Variants in EXOC6B observed in about 807,000 individuals in gnomAD.
EXOC6B encodes exocyst complex component 6B, also known as SEC15 homolog B.
EXOC6B carries 54 observed loss-of-function variants against 113.5 expected under a neutral mutation model. That is an observed-to-expected ratio of 0.48 (90% CI 0.38 to 0.60). EXOC6B has a LOEUF of 0.60. EXOC6B is among the 20% of genes least tolerant of loss of function. EXOC6B has a pLI of 0.00. For synonymous variants in EXOC6B, 357 were observed against 339.0 expected, an observed-to-expected ratio of 1.05 and a Z score of -0.58; for missense variants, 797 against 977.5, an observed-to-expected ratio of 0.82 and a Z score of 2.46.
intron 20 of EXOC6B, among the ~76,000 whole-genome samples, chr2:72,271,781 AC>A (rs1207322706): frequency 6.6e-6 from 1 of 152,042 alleles, no homozygotes; most frequent in East Asian, 1.9e-4. Context: ...GTTCACAATG[AC>A]CTATATTTTG....
At chr2:72,421,750 G>A (rs574777084) in intron 18 of EXOC6B, among the ~76,000 whole-genome samples, 20 of 152,344 alleles carry the variant, frequency 1.3e-4, no homozygotes, top group South Asian at 8.3e-4. Flanking sequence ...CCTTCGGCCC[G>A]CCGCTGCACT....
intron 6 of EXOC6B, among the ~76,000 whole-genome samples, chr2:72,711,504 G>A (rs551817796): frequency 6.6e-6 from 1 of 152,260 alleles, no homozygotes; most frequent in Non-Finnish European, 1.5e-5. Flanking sequence ...CTTATCCACA[G>A]AAGATATGTT....
intron 8 of EXOC6B, among the ~76,000 whole-genome samples, chr2:72,536,531 A>C (rs1428416308): frequency 6.6e-6 from 1 of 152,206 alleles, no homozygotes; most frequent in Non-Finnish European, 1.5e-5. Context: ...TGTTGATACA[A>C]ATTAGATGTA....
intron 6 of EXOC6B, among the ~76,000 whole-genome samples, chr2:72,710,978 A>G (rs1001903985): frequency 5.9e-5 from 9 of 152,208 alleles, no homozygotes; most frequent in African/African-American, 2.2e-4. Flanking sequence ...TCCCCTTGTT[A>G]AAAGGCTCAC....
At chr2:72,648,936 T>C (rs939655221) in intron 6 of EXOC6B, among the ~76,000 whole-genome samples, 3 of 152,102 alleles carry the variant, frequency 2.0e-5, no homozygotes. Context: ...TTGATTCCAG[T>C]TCAAGACCAG....
intron 18 of EXOC6B, among the ~76,000 whole-genome samples, chr2:72,413,724 C>G (rs756416848): frequency 1.4e-4 from 21 of 151,786 alleles, no homozygotes; most frequent in Non-Finnish European, 2.6e-4. Flanking sequence ...GATGGGGCCT[C>G]TCTATGCTGT....
chr2:72,606,922 A>AACCTAATGTTATCAAGATTTGATCT (rs1670792352), intron 6 of EXOC6B, among the ~76,000 whole-genome samples: 1 of 152,000 alleles, frequency 6.6e-6, no homozygotes, highest in African/African-American at 2.4e-5. Flanking sequence ...ACTTTCTTTG[A>AACCTAATGTTATCAAGATTTGATCT]ACCTAATGTT....
At chr2:72,326,420 C>T (rs1397750894) in intron 20 of EXOC6B, among the ~76,000 whole-genome samples, 2 of 152,056 alleles carry the variant, frequency 1.3e-5, no homozygotes, top group East Asian at 3.9e-4. Flanking sequence ...GGCAGCAAGG[C>T]GTCTCACAGG....
chr2:72,397,627 AAAT>A lies in EXOC6B; in HGVS notation c.1981-17760_1981-17758del, dbSNP rs1692818195. On this transcript the variant is annotated intron_variant, in intron 18 of 21. Transcript: ENST00000272427. ...GGTGAAACCTCATCTCAAAAAAAAA[AAAT>A]AAAATAAAATAAAATAAAATAAAAT... Among the ~76,000 whole-genome samples, 16 of 129,056 alleles carry A rather than the reference AAAT, an allele frequency of 1.2e-4. 1 individual carries two copies. Among genetic ancestry groups the A allele is most frequent in the African/African-American group, 6.4e-4 (16 of 25,090 alleles). 84.7% of individuals were successfully genotyped at this position (129,056 alleles called of 152,430 possible).
chr2:72,541,241 T>C lies in EXOC6B; in HGVS notation c.915+18212A>G, dbSNP rs577181185. ...AAGTGCCTTTCACCTCCTGCCATGA[T>C]TCTGAGGCTTCCCCGGACATATGGA... On this transcript the variant is annotated intron_variant, in intron 8 of 21. Coordinates refer to ENST00000272427, the MANE Select transcript of EXOC6B (RefSeq NM_015189.3). 1.1e-4 allele frequency among the ~76,000 whole-genome samples: 16 copies of C among 152,340 alleles called. No homozygotes were observed. In the East Asian group the frequency reaches 3.1e-3, roughly 29 times the overall value.
chr2:72,438,860 T>G (rs1022801677), intron 18 of EXOC6B, among the ~76,000 whole-genome samples: 2 of 152,168 alleles, frequency 1.3e-5, no homozygotes, highest in African/African-American at 4.8e-5. Context: ...TCAGAGAAAT[T>G]GGCTAGGCTA....
intron 1 of EXOC6B, among the ~76,000 whole-genome samples, chr2:72,765,696 A>G (rs1440930738): frequency 2.0e-5 from 3 of 152,054 alleles, no homozygotes; most frequent in African/African-American, 7.2e-5. Context: ...CAAAAACAAA[A>G]AACAGAACTG....
intron 6 of EXOC6B, among the ~76,000 whole-genome samples, chr2:72,582,175 A>G (rs1028784581): frequency 6.6e-6 from 1 of 152,052 alleles, no homozygotes. Context: ...ATATATATAT[A>G]TGGGCAAAAA....
chr2:72,463,798 T>C (rs1180900862), intron 18 of EXOC6B: 1 of 152,156 alleles, frequency 6.6e-6, no homozygotes, highest in Non-Finnish European at 1.5e-5. Context: ...TTCAGAATAA[T>C]GTAACAAAAT....
chr2:72,208,628 G>A (rs1219690146), intron 20 of EXOC6B, among the ~76,000 whole-genome samples: 1 of 151,990 alleles, frequency 6.6e-6, no homozygotes, highest in Non-Finnish European at 1.5e-5. Context: ...GGTCAAATGG[G>A]AGCTCTGTTT....
At chr2:72,408,753 C>G (rs1173579798) in intron 18 of EXOC6B, among the ~76,000 whole-genome samples, 1 of 152,034 alleles carries the variant, frequency 6.6e-6, no homozygotes, top group Non-Finnish European at 1.5e-5. Context: ...GACCTAAAAC[C>G]ATAAAAACCC....
At chr2:72,731,328 A>G (rs781173699) in intron 3 of EXOC6B, 83 bp from the exon 4 acceptor site, 7 of 1,036,420 alleles carry the variant, frequency 6.8e-6, no homozygotes, top group South Asian at 1.4e-5. Context: ...ACTGTGTTCA[A>G]TTCATCAGAA....
chr2:72,692,184 CTAAT>C (rs1272670732), intron 6 of EXOC6B, among the ~76,000 whole-genome samples: 3 of 151,852 alleles, frequency 2.0e-5, no homozygotes, highest in Non-Finnish European at 2.9e-5. Flanking sequence ...GATATGATCA[CTAAT>C]TGATTAGCAT....
intron 18 of EXOC6B, among the ~76,000 whole-genome samples, chr2:72,442,329 C>T (rs190472741): frequency 2.0e-3 from 305 of 152,206 alleles, no homozygotes; most frequent in African/African-American, 7.0e-3. Context: ...ACATTCCCCC[C>T]CGCAAAAAAT....
Sources: gnomAD v4.1 joint callset for allele counts (sites outside exome capture counted in the v4.1 genomes callset) on GRCh38, gnomAD v4.1.1 for gene constraint, MANE v1.5 for transcripts, NCBI Gene and HGNC (gene_info 2026-07-23, HGNC 2026-07-21) for gene names.